Variants in UBASH3B observed in about 807,000 individuals in gnomAD.
UBASH3B encodes the protein ubiquitin-associated and SH3 domain-containing protein B.
UBASH3B carries 37 observed loss-of-function variants against 83.4 expected under a neutral mutation model. The observed-to-expected ratio is 0.44, with a 90% CI of 0.34 to 0.58. The LOEUF (loss-of-function observed/expected upper bound fraction) is 0.58, where lower values mean the gene tolerates loss of function less well. UBASH3B is among the 20% of genes least tolerant of loss of function. UBASH3B has a pLI of 0.01. For synonymous variants in UBASH3B, 304 were observed against 318.3 expected (o/e 0.96, Z 0.48); for missense variants, 657 against 827.2 (o/e 0.79, Z 2.52).
intron 1 of UBASH3B, among the ~76,000 whole-genome samples, chr11:122,745,682 G>A (rs1861106922): frequency 6.6e-6 from 1 of 152,148 alleles, no homozygotes; most frequent in Non-Finnish European, 1.5e-5. Context: ...AAATGGATAA[G>A]CTTCATCTCC....
At chr11:122,663,166 A>G (rs1203996172) in intron 1 of UBASH3B, among the ~76,000 whole-genome samples, 1 of 151,992 alleles carries the variant, frequency 6.6e-6, no homozygotes, top group Non-Finnish European at 1.5e-5. Context: ...TAATAGAGAC[A>G]TGATTTCACC....
At chr11:122,704,601 C>A (rs1459615344) in intron 1 of UBASH3B, among the ~76,000 whole-genome samples, 1 of 151,858 alleles carries the variant, frequency 6.6e-6, no homozygotes, top group African/African-American at 2.4e-5. Context: ...CCTTTGCCTC[C>A]CAGGTTCAAG....
chr11:122,799,930 T>A (rs1396727031), intron 10 of UBASH3B, among the ~76,000 whole-genome samples: 6 of 152,178 alleles, frequency 3.9e-5, no homozygotes, highest in Non-Finnish European at 8.8e-5. Context: ...AACAAAGAAT[T>A]TGACACTGCA....
At chr11:122,791,074 G>T (rs559765128) in intron 6 of UBASH3B, among the ~76,000 whole-genome samples, 1 of 152,294 alleles carries the variant, frequency 6.6e-6, no homozygotes, top group South Asian at 2.1e-4. Flanking sequence ...GAGTGACTTC[G>T]GTCAGTGCGT....
At chr11:122,755,698 T>C (rs1224540312) in intron 1 of UBASH3B, among the ~76,000 whole-genome samples, 1 of 152,180 alleles carries the variant, frequency 6.6e-6, no homozygotes, top group African/African-American at 2.4e-5. Context: ...CGGATCCTCC[T>C]CTGAACTGGG....
intron 1 of UBASH3B, among the ~76,000 whole-genome samples, chr11:122,734,733 C>A (rs1860904008): frequency 6.6e-6 from 1 of 151,844 alleles, no homozygotes; most frequent in Admixed American, 6.6e-5. Flanking sequence ...ATTTTCCCCC[C>A]TCATCAGATG....
intron 1 of UBASH3B, among the ~76,000 whole-genome samples, chr11:122,665,096 C>T (rs1224219239): frequency 1.3e-5 from 2 of 152,090 alleles, no homozygotes; most frequent in East Asian, 1.9e-4. Context: ...TTAGTAGAGA[C>T]GGGGTTTCAC....
At chr11:122,784,380 C>T (rs1211143914) in intron 5 of UBASH3B, among the ~76,000 whole-genome samples, 1 of 152,134 alleles carries the variant, frequency 6.6e-6, no homozygotes, top group Non-Finnish European at 1.5e-5. Flanking sequence ...TACATCATAG[C>T]CAGGCATGGT....
intron 1 of UBASH3B, among the ~76,000 whole-genome samples, chr11:122,664,032 T>C (rs1238352767): frequency 6.6e-6 from 1 of 152,192 alleles, no homozygotes; most frequent in African/African-American, 2.4e-5. Flanking sequence ...CTCTGTGGTT[T>C]GGTTCCTTGG....
At position 122,696,803 on chromosome 11, in the gene UBASH3B, T is replaced by C. The variant is rs556078227; in HGVS notation, c.161+40593T>C. Among the ~76,000 whole-genome samples, 34 of 152,338 alleles carry C rather than the reference T, an allele frequency of 2.2e-4. 1 individual carries two copies. The highest frequency in any genetic ancestry group is 6.3e-4 in the African/African-American group (26 of 41,584). The stretch of plus-strand genomic sequence containing the variant: ...GAATACACGGAGAGCACCCCAGTTC[T>C]AGGGCAGGCCGGAGTCTGTTGACAG... On this transcript the variant is annotated intron_variant, in intron 1 of 13. Transcript: ENST00000284273.
chr11:122,757,746 A>G (rs7927623), intron 1 of UBASH3B, among the ~76,000 whole-genome samples: 134,534 of 139,212 alleles, frequency 0.97, 65,207 homozygotes, highest in Middle Eastern at 1. Context: ...ACAGAGTCTC[A>G]CTCTGTCGCC....
Position 122,751,213 on chromosome 11 carries a change from A to C in UBASH3B, c.162-25006A>C, listed in dbSNP as rs531087585. Among the ~76,000 whole-genome samples, 7 of 152,358 alleles carry C rather than the reference A, an allele frequency of 4.6e-5. 1 individual carries two copies. In the East Asian group the frequency reaches 9.6e-4, roughly 21 times the overall value. On this transcript the variant is annotated intron_variant, in intron 1 of 13. Coordinates refer to ENST00000284273, the MANE Select transcript of UBASH3B (RefSeq NM_032873.5). Reference sequence around the variant, plus strand: ...GCAGCATTTATCTTATTATAATGGAAAAATTAGATATTATTTCACTGTGTG... The same window carrying C: ...GCAGCATTTATCTTATTATAATGGACAAATTAGATATTATTTCACTGTGTG...
At chr11:122,726,126 C>G (rs1860735833) in intron 1 of UBASH3B, 2 of 152,322 alleles carry the variant, frequency 1.3e-5, no homozygotes, top group South Asian at 4.1e-4. Context: ...CTCATCCACC[C>G]TGTTGTCTCC....
intron 1 of UBASH3B, among the ~76,000 whole-genome samples, chr11:122,750,714 G>A (rs1192055979): frequency 1.3e-5 from 2 of 152,160 alleles, no homozygotes; most frequent in Non-Finnish European, 2.9e-5. Context: ...TAAGCTCAGA[G>A]TGACGATCCT....
chr11:122,707,777 C>G (rs1183014073), intron 1 of UBASH3B, among the ~76,000 whole-genome samples: 1 of 49,632 alleles, frequency 2.0e-5, no homozygotes, highest in African/African-American at 4.1e-5. Context: ...TGGCTCACTG[C>G]AACCTCCGCC....
At chr11:122,785,721 C>G (rs1167827629) in intron 5 of UBASH3B, among the ~76,000 whole-genome samples, 1 of 152,174 alleles carries the variant, frequency 6.6e-6, no homozygotes, top group Non-Finnish European at 1.5e-5. Context: ...TTCACTTTGA[C>G]AACTTATATA....
chr11:122,778,631 G>GTC (rs747641968), intron 3 of UBASH3B, among the ~76,000 whole-genome samples: 2 of 132,606 alleles, frequency 1.5e-5, no homozygotes, highest in Non-Finnish European at 3.1e-5. Context: ...TGGATATATA[G>GTC]TCTCTCTCTG....
intron 11 of UBASH3B, among the ~76,000 whole-genome samples, chr11:122,802,455 C>A (rs1861275745): frequency 6.6e-6 from 1 of 151,508 alleles, no homozygotes; most frequent in Non-Finnish European, 1.5e-5. Context: ...GTTCATATTT[C>A]TTAAGGCAGA....
chr11:122,709,911 C>G (rs1292847633), intron 1 of UBASH3B, among the ~76,000 whole-genome samples: 1 of 152,136 alleles, frequency 6.6e-6, no homozygotes, highest in Non-Finnish European at 1.5e-5. Flanking sequence ...AATCCCAGCA[C>G]TTTGGGAGGC....
Sources: allele counts gnomAD v4.1 joint callset (sites outside exome capture counted in the v4.1 genomes callset), GRCh38; gene constraint gnomAD v4.1.1; transcripts MANE v1.5; gene names NCBI Gene and HGNC (gene_info 2026-07-23, HGNC 2026-07-21).